The following BAHCC1 variants were observed in gnomAD, a reference collection of about 807,000 sequenced individuals.
The protein encoded by BAHCC1 is BAH domain and coiled-coil containing 1, also known as BAH and coiled-coil domain-containing protein 1.
In BAHCC1, 43 loss-of-function variants were observed where a neutral mutation model predicts 88.2. The observed-to-expected ratio is 0.49, with a 90% CI of 0.38 to 0.63. BAHCC1 has a LOEUF of 0.63. BAHCC1 is among the 20% of genes least tolerant of loss of function. The probability of loss-of-function intolerance (pLI) is 0.00; values close to 1 mark genes in which losing one functional copy is unlikely to be tolerated. For missense variants in BAHCC1, 3,023 were observed against 1,654.8 expected (o/e 1.83, Z -14.34); for synonymous variants, 1,510 against 745.5 (o/e 2.03, Z -16.71).
chr17:81,407,141 G>C (rs782039304), intron 2 of BAHCC1, among the ~76,000 whole-genome samples: 2 of 152,288 alleles, frequency 1.3e-5, no homozygotes, highest in East Asian at 3.9e-4. Flanking sequence ...TGTGAGGAAC[G>C]GCAGAGCAGC....
chr17:81,457,623 G>A (rs1479895270), intron 17 of BAHCC1, 31 bp downstream of exon 17: 1 of 665,308 alleles, frequency 1.5e-6, no homozygotes, highest in Non-Finnish European at 2.8e-6. Context: ...GGGTTGCTAG[G>A]TAACCAGGAG....
At chr17:81,416,439 C>CGT (rs36171726) in intron 2 of BAHCC1, among the ~76,000 whole-genome samples, 617 of 26,226 alleles carry the variant, frequency 0.024, 6 homozygotes, top group Non-Finnish European at 0.025. Flanking sequence ...GGTGTATGTG[C>CGT]GTGTGTGTGT....
intron 1 of BAHCC1, chr17:81,396,703 C>T (rs1243083131): frequency 1.3e-5 from 2 of 152,240 alleles, no homozygotes; most frequent in Non-Finnish European, 2.9e-5. Flanking sequence ...CTTGTAGAAG[C>T]TCCAGATCCT....
At chr17:81,407,355 G>A (rs535308893) in intron 2 of BAHCC1, 6 of 520,082 alleles carry the variant, frequency 1.2e-5, no homozygotes, top group South Asian at 7.0e-5. Flanking sequence ...AAACCAGCCT[G>A]CTGGCGTCTT....
rs1555659838 is a variant in BAHCC1, at chr17:81,462,720, C to T, written c.7384-20C>T. ...CAGCCCCCCGGCCTCTCAGAGCCAC[C>T]CTGCCCATGTCCCCCACAGCGGCGT... is the stretch of plus-strand genomic sequence containing the variant. On this transcript the variant is annotated intron_variant, in intron 26 of 27. Coordinates refer to ENST00000675386, the MANE Select transcript of BAHCC1 (RefSeq NM_001377448.1). 2 of 735,988 alleles carry T rather than the reference C, an allele frequency of 2.7e-6. No individual in the cohort carries two copies. The highest frequency in any genetic ancestry group is 3.0e-5 in the South Asian group (2 of 66,470). 45.6% of individuals were successfully genotyped at this position (735,988 alleles called of 1,614,324 possible).
Position 81,426,965 on chromosome 17 carries a change from C to G in BAHCC1, c.344C>G (p.Ser115Cys), listed in dbSNP as rs1159459996. The change falls in exon 3 of 28, where the codon TCC becomes TGC. Residue 115 changes from serine to cysteine, a missense_variant. Transcript: ENST00000675386. ...CCCACCACCTCCCAGATCTGGTTCT[C>G]CCACTCCCACGAAGGTAAGTTGGCG... ...SHPTTSQIWFSHSHEAPGYPR... is the reference protein window; with the variant it reads ...SHPTTSQIWFCHSHEAPGYPR... 19 of 398,516 alleles carry G rather than the reference C, an allele frequency of 4.8e-5. No homozygotes were observed. The highest frequency in any genetic ancestry group is 8.0e-5 in the Non-Finnish European group (18 of 226,094). 24.7% of individuals were successfully genotyped at this position (398,516 alleles called of 1,614,324 possible).
chr17:81,419,855 C>A (rs1299635397), intron 2 of BAHCC1, among the ~76,000 whole-genome samples: 1 of 148,310 alleles, frequency 6.7e-6, no homozygotes, highest in Non-Finnish European at 1.5e-5. Flanking sequence ...GCTGTCTCGG[C>A]GGCTCACTTA....
In BAHCC1 at chr17:81,454,448, G is replaced by A. The variant is rs143209784; in HGVS notation, c.4446-819G>A. ...GCAGAATTCCATCCTTAAGACCCGC[G>A]TGGAGGACAGAATGGGCTCCTGAGA... is the stretch of plus-strand genomic sequence containing the variant. On this transcript the variant is annotated intron_variant, in intron 14 of 27. Coordinates refer to ENST00000675386, the MANE Select transcript of BAHCC1 (RefSeq NM_001377448.1). Among the ~76,000 whole-genome samples the A allele has an allele frequency of 5.8e-3, 883 of 152,310 alleles. 9 individuals carry two copies. Among genetic ancestry groups the A allele is most frequent in the African/African-American group, 0.02 (844 of 41,576 alleles).
At position 81,444,650 on chromosome 17, in the gene BAHCC1, G is replaced by A. The variant is rs782092209; in HGVS notation, c.2513-18G>A. 10 of 769,318 alleles carry A rather than the reference G, an allele frequency of 1.3e-5. No homozygotes were observed. The highest frequency in any genetic ancestry group is 6.8e-5 in the African/African-American group (4 of 59,064). The allele number at this position is 769,318 out of a possible 1,614,324, so 47.7% of individuals were successfully genotyped here. On this transcript the variant is annotated intron_variant, in intron 7 of 27. Transcript: ENST00000675386. ...CCCGAGAGTGCGAGGCCTGACCACT[G>A]TGCCCTCTGCCTCCCAGGCCTGGGG... is the stretch of plus-strand genomic sequence containing the variant.
rs1555657046 is a variant in BAHCC1, at chr17:81,455,417, C to T, written c.4569+27C>T. ...TGAGTGCCGAGGCGCCCGCCTTGCC[C>T]CAGGGCCCTTCAGGTCCCTTCAGGT... On this transcript the variant is annotated intron_variant, in intron 15 of 27. Coordinates refer to ENST00000675386, the MANE Select transcript of BAHCC1 (RefSeq NM_001377448.1). 5 of 713,272 alleles carry T rather than the reference C, an allele frequency of 7.0e-6. No individual in the cohort carries two copies. The Admixed American group carries it at 1.0e-4, about 14-fold the overall frequency. The allele number at this position is 713,272 out of a possible 1,614,324, so 44.2% of individuals were successfully genotyped here.
chr17:81,411,243 C>G lies in BAHCC1; in HGVS notation c.178+11326C>G, dbSNP rs1555647796. ...GGGGCCCCAGGAGGACTCGCCACCC[C>G]CAGTTGAGCAGCTCCCCTTCTCGGC... is the stretch of plus-strand genomic sequence containing the variant. On this transcript the variant is annotated intron_variant, in intron 2 of 27. Coordinates refer to ENST00000675386, the MANE Select transcript of BAHCC1 (RefSeq NM_001377448.1). This position sits in a 1 kb window ranked among gnomAD's most constrained non-coding sequence, Gnocchi z 6.2. 2.0e-6 allele frequency: 1 copy of G among 507,206 alleles called. No homozygotes were observed. The highest frequency in any genetic ancestry group is 3.9e-6 in the Non-Finnish European group (1 of 255,308). The allele number at this position is 507,206 out of a possible 1,614,324, so 31.4% of individuals were successfully genotyped here.
In BAHCC1 at chr17:81,446,526, C is replaced by CTTTTTTT. The variant is rs869297780; in HGVS notation, c.3164-478_3164-472dup. Reference sequence around the variant, plus strand: ...GGGCCTGGCCTCAGGCTGCTCACACCTTTTTTTTTTTTTTTTTTTTTTTTT... The same window carrying CTTTTTTT: ...GGGCCTGGCCTCAGGCTGCTCACACCTTTTTTTTTTTTTTTTTTTTTTTTTTTTTTTT... On this transcript the variant is annotated intron_variant, in intron 10 of 27. Coordinates refer to ENST00000675386, the MANE Select transcript of BAHCC1 (RefSeq NM_001377448.1). Among the ~76,000 whole-genome samples, 5 of 49,224 alleles carry CTTTTTTT rather than the reference C, an allele frequency of 1.0e-4. 1 individual carries two copies. The highest frequency in any genetic ancestry group is 6.4e-4 in the East Asian group (1 of 1,570). The allele number at this position is 49,224 out of a possible 152,430, so 32.3% of individuals were successfully genotyped here. A position where few individuals can be genotyped will look rare whatever the true frequency, so the allele number is the denominator to read the frequency against.
In BAHCC1 at chr17:81,445,693, C is replaced by T. The variant is rs372048700; in HGVS notation, c.3163+12C>T. 5.1e-5 allele frequency: 37 copies of T among 720,658 alleles called. No homozygotes were observed. The highest frequency in any genetic ancestry group is 2.7e-4 in the South Asian group (18 of 67,656). The allele number at this position is 720,658 out of a possible 1,614,324, so 44.6% of individuals were successfully genotyped here. A position where few individuals can be genotyped will look rare whatever the true frequency, so the allele number is the denominator to read the frequency against. ...CACATCCGAACCAGGTGAGAGTAGC[C>T]GCCTGGCCCGGCCCACTGTGCTCCG... On this transcript the variant is annotated intron_variant, in intron 10 of 27. Coordinates refer to ENST00000675386, the MANE Select transcript of BAHCC1 (RefSeq NM_001377448.1).
chr17:81,428,580 A>T (rs2064226466), intron 3 of BAHCC1, among the ~76,000 whole-genome samples: 1 of 151,102 alleles, frequency 6.6e-6, no homozygotes, highest in Admixed American at 6.6e-5. Context: ...CTCCTACCCC[A>T]CTCCCTCCAC....
intron 2 of BAHCC1, among the ~76,000 whole-genome samples, chr17:81,415,873 C>T (rs1482993915): frequency 6.6e-6 from 1 of 152,266 alleles, no homozygotes; most frequent in Non-Finnish European, 1.5e-5. Flanking sequence ...ACAGAACCAT[C>T]GAGGACGGCC....
chr17:81,445,136 G>C lies in BAHCC1; in HGVS notation c.2793G>C (p.Gln931His). ...CGAGGCCGCAGCTCCTCCGGCAGCA[G>C]GAGCTCTATGCTTTGCAGCAGCAGA... ...VYSRPQLLRQ[Q>H]ELYALQQQRA... The change falls in exon 9 of 28, where the codon CAG becomes CAC. Residue 931 changes from glutamine (Q) to histidine (H), a missense_variant. Gln to His is a conservative substitution (Grantham distance 24). Coordinates refer to ENST00000675386, the MANE Select transcript of BAHCC1 (RefSeq NM_001377448.1). 1.3e-6 allele frequency: 1 copy of C among 774,038 alleles called. No homozygotes were observed. The highest frequency in any genetic ancestry group is 2.4e-6 in the Non-Finnish European group (1 of 415,952). The allele number at this position is 774,038 out of a possible 1,614,324, so 47.9% of individuals were successfully genotyped here. A position where few individuals can be genotyped will look rare whatever the true frequency, so the allele number is the denominator to read the frequency against.
intron 10 of BAHCC1, among the ~76,000 whole-genome samples, chr17:81,446,327 C>T (rs542328692): frequency 6.6e-6 from 1 of 151,508 alleles, no homozygotes; most frequent in Non-Finnish European, 1.5e-5. Context: ...CTCTGACATG[C>T]TGCCGGCTTG....
In BAHCC1 at chr17:81,459,130, G is replaced by T. The variant is rs2030013581; in HGVS notation, c.5682G>T (p.Leu1894=). 1.3e-6 allele frequency: 1 copy of T among 771,254 alleles called. No individual in the cohort carries two copies. The highest frequency in any genetic ancestry group is 1.7e-5 in the Admixed American group (1 of 58,088). 47.8% of individuals were successfully genotyped at this position (771,254 alleles called of 1,614,324 possible). Residue 1894 remains leucine, a synonymous_variant, in exon 21 of 28, where the codon CTG becomes CTT. Transcript: ENST00000675386. ...TCATCCCCAAGGAGGATAGCCTGCT[G>T]TACGCGGGCAGCGTCAGGACCCTGC... is the stretch of plus-strand genomic sequence containing the variant. ...PVLIPKEDSL[L]YAGSVRTLQP...
Position 81,399,178 on chromosome 17 carries a change from AT to A in BAHCC1, c.-206-353del, listed in dbSNP as rs1555645449. 1 of 413,452 alleles carries A rather than the reference AT, an allele frequency of 2.4e-6. No homozygotes were observed. The highest frequency in any genetic ancestry group is 4.9e-6 in the Non-Finnish European group (1 of 205,780). 25.6% of individuals were successfully genotyped at this position (413,452 alleles called of 1,614,324 possible). A position where few individuals can be genotyped will look rare whatever the true frequency, so the allele number is the denominator to read the frequency against. On this transcript the variant is annotated intron_variant, in intron 1 of 27. Coordinates refer to ENST00000675386, the MANE Select transcript of BAHCC1 (RefSeq NM_001377448.1). The surrounding 1 kb of genome is among the most constrained non-coding windows in gnomAD (Gnocchi z 4.5). ...GCGAGTGTGCGTGATGGCTTCGCAG[AT>A]TTGGGTTTTTATCACCCAGCAGAGC...
Sources: allele counts gnomAD v4.1 joint callset (sites outside exome capture counted in the v4.1 genomes callset), GRCh38; gene constraint gnomAD v4.1.1; non-coding constraint Gnocchi (gnomAD v3.1); transcripts MANE v1.5; gene names NCBI Gene and HGNC (gene_info 2026-07-23, HGNC 2026-07-21).